The following BCAP31 variants were observed in gnomAD, a reference collection of about 807,000 sequenced individuals.
BCAP31 encodes B cell receptor associated protein 31.
For missense variants in BCAP31, 124 were observed against 193.0 expected, an observed-to-expected ratio of 0.64 and a Z score of 2.12; for synonymous variants, 75 against 80.9, an observed-to-expected ratio of 0.93 and a Z score of 0.39.
rs73633760 is a variant in BCAP31 at position 153,703,927 on chromosome X, C to T, written c.477+32G>A. 0.011 allele frequency: 13,678 copies of T among 1,202,915 alleles called. 981 individuals carry two copies. In the African/African-American group the frequency reaches 0.21, roughly 18 times the overall value. ...TGGCTCCCACAGTGTAACACCAGGA[C>T]GCCCCATGGTGGGTCGGGAAGCTGG... On this transcript the variant is annotated intron_variant, in intron 5 of 7. Coordinates refer to ENST00000345046, the MANE Select transcript of BCAP31 (RefSeq NM_001256447.2).
At chrX:153,710,032 C>T (rs781879442) in intron 4 of BCAP31, among the ~76,000 whole-genome samples, 1 of 112,411 alleles carries the variant, frequency 8.9e-6, no homozygotes, top group East Asian at 2.8e-4. Context: ...GAGGAGGTGC[C>T]GGCTGGGCCG....
Position 153,720,916 on chromosome X carries a change from G to C in BCAP31, c.149C>G (p.Thr50Ser). 4 of 1,211,654 alleles carry C rather than the reference G, an allele frequency of 3.3e-6. No individual in the cohort carries two copies. The highest frequency in any genetic ancestry group is 4.5e-6 in the Non-Finnish European group (4 of 895,495). Residue 50 changes from threonine to serine, a missense_variant, in exon 3 of 8, where the codon ACC (threonine) becomes AGC (serine). Physicochemically the swap from Thr to Ser is moderately conservative, Grantham distance 58. Transcript: ENST00000345046. ...LVELLVSYGN[T>S]FFVVLIVILV... ...GATGACAATGAGAACCACAAAGAAGGTGTTGCCATAGGACACTAACAACTC... is the reference window on the plus strand; with the variant it reads ...GATGACAATGAGAACCACAAAGAAGCTGTTGCCATAGGACACTAACAACTC...
intron 3 of BCAP31, among the ~76,000 whole-genome samples, chrX:153,717,920 T>C (rs186662340): frequency 1.5e-4 from 17 of 112,464 alleles, no homozygotes; most frequent in African/African-American, 5.2e-4. Context: ...ACAGAAGTAT[T>C]TGCATAAATT....
chrX:153,708,326 G>A (rs1200031944), intron 4 of BCAP31, among the ~76,000 whole-genome samples: 11 of 112,616 alleles, frequency 9.8e-5, no homozygotes, highest in African/African-American at 3.5e-4. Context: ...CTTTTCAGCA[G>A]CCCTGTCTTC....
intron 4 of BCAP31, among the ~76,000 whole-genome samples, chrX:153,706,004 C>G (rs1557048257): frequency 8.9e-6 from 1 of 112,099 alleles, no homozygotes; most frequent in Non-Finnish European, 1.9e-5. Flanking sequence ...TATTGAGAAC[C>G]AGGGCTTCCA....
chrX:153,701,309 T>C (rs2091516755), intron 7 of BCAP31, among the ~76,000 whole-genome samples: 1 of 112,321 alleles, frequency 8.9e-6, no homozygotes, highest in African/African-American at 3.2e-5. Flanking sequence ...TCTGCACACC[T>C]TTGACAGGTG....
intron 4 of BCAP31, among the ~76,000 whole-genome samples, chrX:153,712,415 T>A (rs74544084): frequency 5.9e-3 from 96 of 16,208 alleles, no homozygotes; most frequent in Non-Finnish European, 0.024. Context: ...AAAAAATAAA[T>A]AAATAAATAA....
At chrX:153,714,095 T>G (rs781849921) in intron 4 of BCAP31, among the ~76,000 whole-genome samples, 2 of 108,392 alleles carry the variant, frequency 1.8e-5, no homozygotes, top group South Asian at 8.3e-4. Flanking sequence ...CAGGCTGGTC[T>G]CGAACTCCTG....
chrX:153,722,394 T>C (rs2091673195), intron 2 of BCAP31, among the ~76,000 whole-genome samples: 1 of 111,535 alleles, frequency 9.0e-6, no homozygotes, highest in South Asian at 3.8e-4. Flanking sequence ...AGAAATCAGA[T>C]TGTCTGTCCT....
chrX:153,707,565 C>G (rs1419092254), intron 4 of BCAP31, among the ~76,000 whole-genome samples: 2 of 111,767 alleles, frequency 1.8e-5, no homozygotes, highest in African/African-American at 6.5e-5. Context: ...CAGAGGCAGA[C>G]ACAGAGCTGC....
intron 6 of BCAP31, 82 bp downstream of exon 6, chrX:153,702,853 C>T (rs2091527849): frequency 8.6e-7 from 1 of 1,164,658 alleles, no homozygotes. Flanking sequence ...GTTACTAATA[C>T]TTTGGCACAA....
At chrX:153,713,475 A>G (rs1371933737) in intron 4 of BCAP31, among the ~76,000 whole-genome samples, 1 of 112,341 alleles carries the variant, frequency 8.9e-6, no homozygotes, top group African/African-American at 3.2e-5. Context: ...CTTTTCCAAA[A>G]GCATACAAGC....
intron 4 of BCAP31, among the ~76,000 whole-genome samples, chrX:153,712,402 CAAAA>C (rs1212923080): frequency 3.7e-4 from 8 of 21,632 alleles, no homozygotes; most frequent in East Asian, 2.6e-3. Flanking sequence ...GACCTTGTCT[CAAAA>C]AAAATAAATA....
intron 2 of BCAP31, chrX:153,721,281 C>T (rs902348437): frequency 6.3e-5 from 11 of 173,488 alleles, no homozygotes; most frequent in Non-Finnish European, 1.1e-4. Flanking sequence ...ACTAAAAGTA[C>T]GAAAATTAGC....
At chrX:153,723,784 C>G (rs2091686735) in intron 1 of BCAP31, 1 of 880,040 alleles carries the variant, frequency 1.1e-6, no homozygotes, top group Non-Finnish European at 1.5e-6. Context: ...CCGACGCCCC[C>G]GCCTCCCACC....
intron 4 of BCAP31, among the ~76,000 whole-genome samples, chrX:153,710,885 G>A (rs782040059): frequency 1.8e-5 from 2 of 111,385 alleles, no homozygotes; most frequent in Non-Finnish European, 3.8e-5. Flanking sequence ...TCTGCTCCCC[G>A]ATCTTCTATC....
chrX:153,708,358 G>T (rs1252140944), intron 4 of BCAP31, among the ~76,000 whole-genome samples: 1 of 112,559 alleles, frequency 8.9e-6, no homozygotes, highest in Non-Finnish European at 1.9e-5. Context: ...AGGGGAAGAG[G>T]ACACGGGCTT....
intron 1 of BCAP31, chrX:153,723,699 C>T (rs782722504): frequency 2.0e-5 from 23 of 1,148,663 alleles, no homozygotes; most frequent in East Asian, 3.3e-5. Context: ...AGAACTCAGC[C>T]GCAGAGGCGG....
chrX:153,716,177 A>T (rs1468083508), intron 3 of BCAP31, among the ~76,000 whole-genome samples: 1 of 102,090 alleles, frequency 9.8e-6, no homozygotes, highest in Non-Finnish European at 2.0e-5. Context: ...AAAAAAAAAA[A>T]AAAGGAAGCT....
Sources: gnomAD v4.1 joint callset for allele counts (sites outside exome capture counted in the v4.1 genomes callset) on GRCh38, gnomAD v4.1.1 for gene constraint, MANE v1.5 for transcripts, NCBI Gene and HGNC (gene_info 2026-07-23, HGNC 2026-07-21) for gene names.